Variants in INSYN2B observed in about 807,000 individuals in gnomAD.
INSYN2B encodes inhibitory synaptic factor family member 2B.
Under a neutral mutation model 41.2 loss-of-function variants are expected in INSYN2B, and 16 were observed. The ratio of observed to expected loss-of-function variants is 0.39; its 90% CI spans 0.26 to 0.59. INSYN2B has a LOEUF of 0.59. Among genes scored for constraint, INSYN2B ranks in the 20% least tolerant of loss-of-function variants. The pLI is 0.57. For missense variants in INSYN2B, 608 were observed against 646.4 expected (o/e 0.94, Z 0.64); for synonymous variants, 245 against 244.4 (o/e 1.00, Z -0.02).
chr5:169,960,917 T>C (rs1469074857), intron 1 of INSYN2B, among the ~76,000 whole-genome samples: 1 of 152,178 alleles, frequency 6.6e-6, no homozygotes, highest in African/African-American at 2.4e-5. Flanking sequence ...AATCATAGTA[T>C]ATATAGGGTT....
intron 2 of INSYN2B, among the ~76,000 whole-genome samples, chr5:169,882,114 A>C (rs561872213): frequency 9.8e-5 from 15 of 152,324 alleles, no homozygotes; most frequent in Non-Finnish European, 5.9e-5. Context: ...GGTCAATAGT[A>C]AGCTGAGTGG....
intron 3 of INSYN2B, among the ~76,000 whole-genome samples, chr5:169,881,077 CT>C (rs1772616070): frequency 6.6e-6 from 1 of 152,114 alleles, no homozygotes; most frequent in Non-Finnish European, 1.5e-5. Context: ...GACCGAATGC[CT>C]TAACTTTCCT....
chr5:169,950,381 A>G (rs1776610441), intron 1 of INSYN2B, among the ~76,000 whole-genome samples: 1 of 152,222 alleles, frequency 6.6e-6, no homozygotes, highest in South Asian at 2.1e-4. Context: ...CACTCAAAAA[A>G]CAGTAGTATT....
chr5:169,949,564 G>T (rs536910281), intron 1 of INSYN2B, among the ~76,000 whole-genome samples: 3 of 151,880 alleles, frequency 2.0e-5, no homozygotes, highest in Non-Finnish European at 4.4e-5. Context: ...GGTACCCAGA[G>T]GCGGGGGAGC....
At chr5:169,966,784 T>C (rs1777316351) in intron 1 of INSYN2B, among the ~76,000 whole-genome samples, 1 of 152,182 alleles carries the variant, frequency 6.6e-6, no homozygotes, top group Non-Finnish European at 1.5e-5. Context: ...CAGGACTCCA[T>C]GAGCTGTTCC....
Position 169,887,032 on chromosome 5 carries a change from A to T in INSYN2B, c.-918-2216T>A, listed in dbSNP as rs182824263. 2.8e-4 allele frequency among the ~76,000 whole-genome samples: 42 copies of T among 152,338 alleles called. 1 individual carries two copies. Among genetic ancestry groups the T allele is most frequent in the African/African-American group, 1.0e-3 (42 of 41,584 alleles). On this transcript the variant is annotated intron_variant, in intron 1 of 3. Coordinates refer to ENST00000377365, the MANE Select transcript of INSYN2B (RefSeq NM_001129891.3). Reference sequence around the variant, plus strand: ...TGAGGCACAGAAGATGAATATATTTATACCAAGTTATTCACACTGATAAGT... The same window carrying T: ...TGAGGCACAGAAGATGAATATATTTTTACCAAGTTATTCACACTGATAAGT...
At chr5:169,953,926 A>G (rs1259079605) in intron 1 of INSYN2B, among the ~76,000 whole-genome samples, 1 of 152,194 alleles carries the variant, frequency 6.6e-6, no homozygotes, top group Non-Finnish European at 1.5e-5. Context: ...TACCTCAAGA[A>G]TTGTCTCACC....
intron 1 of INSYN2B, among the ~76,000 whole-genome samples, chr5:169,939,683 C>T (rs190079008): frequency 6.6e-6 from 1 of 152,202 alleles, no homozygotes; most frequent in East Asian, 1.9e-4. Flanking sequence ...AGCTCCATTC[C>T]GTCATTGACT....
intron 1 of INSYN2B, among the ~76,000 whole-genome samples, chr5:169,959,585 A>G (rs972819192): frequency 6.6e-6 from 1 of 152,200 alleles, no homozygotes; most frequent in Non-Finnish European, 1.5e-5. Context: ...TCTTGCAAGC[A>G]GAGGTCACTG....
chr5:169,883,970 T>C lies in INSYN2B; in HGVS notation c.-72A>G, dbSNP rs1309345385. 3.8e-6 allele frequency: 5 copies of C among 1,328,538 alleles called. No individual in the cohort carries two copies. Among genetic ancestry groups the C allele is most frequent in the Non-Finnish European group, 5.0e-6 (5 of 1,004,976 alleles). The allele number at this position is 1,328,538 out of a possible 1,614,324, so 82.3% of individuals were successfully genotyped here. A position where few individuals can be genotyped will look rare whatever the true frequency, so the allele number is the denominator to read the frequency against. ...ATCTCCCCTTAGGTCTTTGGAGCAG[T>C]ATCTAATGATAGTATTTCAATCATA... On this transcript the variant is annotated 5_prime_UTR_variant, in exon 2 of 4. It adds an upstream start codon to the 5' untranslated region. Coordinates refer to ENST00000377365, the MANE Select transcript of INSYN2B (RefSeq NM_001129891.3).
At chr5:169,925,146 T>C (rs1775366994) in intron 1 of INSYN2B, among the ~76,000 whole-genome samples, 1 of 152,130 alleles carries the variant, frequency 6.6e-6, no homozygotes, top group Non-Finnish European at 1.5e-5. Flanking sequence ...CCAAAAAGTG[T>C]AATACATGGT....
rs113522102 is a variant in INSYN2B at position 169,861,947 on chromosome 5, T to C, written c.*2326A>G. Among the ~76,000 whole-genome samples, 2,090 of 151,938 alleles carry C rather than the reference T, an allele frequency of 0.014. 22 individuals are homozygous for C. The highest frequency in any genetic ancestry group is 0.054 in the Middle Eastern group (16 of 294). On this transcript the variant is annotated 3_prime_UTR_variant, in exon 4 of 4. Coordinates refer to ENST00000377365, the MANE Select transcript of INSYN2B (RefSeq NM_001129891.3). ...TCTTTTCTTTTCTTTTCTTTTTTTT[T>C]TGTTGGGGAAGTGCAGAAAATGTCA... is the stretch of plus-strand genomic sequence containing the variant.
At chr5:169,886,439 C>T (rs1417047535) in intron 1 of INSYN2B, among the ~76,000 whole-genome samples, 1 of 152,236 alleles carries the variant, frequency 6.6e-6, no homozygotes, top group Non-Finnish European at 1.5e-5. Context: ...ACAATTTCCT[C>T]AGTCCATGAC....
At chr5:169,882,353 C>G (rs1432735555) in intron 2 of INSYN2B, among the ~76,000 whole-genome samples, 200 bp downstream of exon 2, 1 of 152,152 alleles carries the variant, frequency 6.6e-6, no homozygotes, top group African/African-American at 2.4e-5. Flanking sequence ...CAGTAGAAAT[C>G]CACAGAAATC....
At chr5:169,875,072 C>A (rs1179726454) in intron 3 of INSYN2B, among the ~76,000 whole-genome samples, 1 of 152,180 alleles carries the variant, frequency 6.6e-6, no homozygotes, top group Non-Finnish European at 1.5e-5. Context: ...GTAGTAAGAA[C>A]TAAAGCTACT....
chr5:169,896,662 CATTATT>C (rs550461934), intron 1 of INSYN2B, among the ~76,000 whole-genome samples: 173 of 152,246 alleles, frequency 1.1e-3, no homozygotes, highest in African/African-American at 3.8e-3. Flanking sequence ...GCAGTATCAT[CATTATT>C]ATTATCAAAG....
rs1453198135 is a variant in INSYN2B at position 169,862,036 on chromosome 5, A to C, written c.*2237T>G. 6.6e-6 allele frequency among the ~76,000 whole-genome samples: 1 copy of C among 152,108 alleles called. No homozygotes were observed. Among genetic ancestry groups the C allele is most frequent in the Non-Finnish European group, 1.5e-5 (1 of 68,028 alleles). ...GTTCATGTGAGGGCCTCAACTGGAA[A>C]CATATCTATGACCACATCAGCTTAT... On this transcript the variant is annotated 3_prime_UTR_variant, in exon 4 of 4. Transcript: ENST00000377365.
intron 1 of INSYN2B, among the ~76,000 whole-genome samples, chr5:169,896,971 A>T (rs924378139): frequency 1.3e-5 from 2 of 152,260 alleles, no homozygotes; most frequent in South Asian, 4.1e-4. Context: ...GAAAGGGAAT[A>T]TAGTAAGACA....
intron 1 of INSYN2B, among the ~76,000 whole-genome samples, chr5:169,973,042 T>C (rs1777581012): frequency 1.3e-5 from 2 of 152,166 alleles, no homozygotes; most frequent in Non-Finnish European, 2.9e-5. Flanking sequence ...TGAAGTTTAA[T>C]ACATGATGTG....
Sources: allele counts gnomAD v4.1 joint callset (sites outside exome capture counted in the v4.1 genomes callset), GRCh38; gene constraint gnomAD v4.1.1; transcripts MANE v1.5; gene names NCBI Gene and HGNC (gene_info 2026-07-23, HGNC 2026-07-21).